Variants in PRR16 observed in about 807,000 individuals in gnomAD.
The protein encoded by PRR16 is protein Largen.
PRR16 carries 6 observed loss-of-function variants against 18.2 expected under a neutral mutation model. The observed-to-expected ratio is 0.33, with a 90% CI of 0.18 to 0.65. PRR16 has a LOEUF of 0.65. PRR16 is among the 30% of genes least tolerant of loss of function. The pLI is 0.74. For missense variants in PRR16, 412 were observed against 376.6 expected (o/e 1.09, Z -0.78); for synonymous variants, 151 against 147.8 (o/e 1.02, Z -0.16).
At chr5:120,699,248 G>C in the PRR16 span, among the ~76,000 whole-genome samples, 4 of 152,278 alleles carry the variant, frequency 2.6e-5, no homozygotes, top group East Asian at 7.7e-4. Flanking sequence ...GAAAGGAAAT[G>C]AGAGGTTCTA....
At chr5:120,562,008 G>T (rs1752590612) in intron 1 of PRR16, among the ~76,000 whole-genome samples, 2 of 152,096 alleles carry the variant, frequency 1.3e-5, no homozygotes, top group African/African-American at 4.8e-5. Flanking sequence ...TCTCTAGAGT[G>T]CAGATTAAGT....
intron 1 of PRR16, among the ~76,000 whole-genome samples, chr5:120,538,098 T>A (rs537255994): frequency 3.9e-5 from 6 of 152,326 alleles, no homozygotes; most frequent in African/African-American, 7.2e-5. Flanking sequence ...ATAAGCATAA[T>A]ATTAGAAGAT....
At chr5:120,770,946 TCTCTCA>T in the PRR16 span, among the ~76,000 whole-genome samples, 28 of 150,258 alleles carry the variant, frequency 1.9e-4, no homozygotes, top group South Asian at 6.4e-4. Context: ...TCTCTCTCTC[TCTCTCA>T]CACACACACA....
At chr5:120,786,535 ATTATTT>A in the PRR16 span, among the ~76,000 whole-genome samples, 2 of 80,370 alleles carry the variant, frequency 2.5e-5, no homozygotes, top group Admixed American at 2.5e-4. Flanking sequence ...TATTATATAT[ATTATTT>A]TAAATTAAGT....
the PRR16 span, among the ~76,000 whole-genome samples, chr5:120,779,990 AAATG>A: frequency 6.6e-6 from 1 of 152,180 alleles, no homozygotes; most frequent in Non-Finnish European, 1.5e-5. Flanking sequence ...AAGGGGAAAT[AAATG>A]AACATTGCAT....
chr5:120,729,837 A>C, the PRR16 span, among the ~76,000 whole-genome samples: 1 of 152,052 alleles, frequency 6.6e-6, no homozygotes, highest in African/African-American at 2.4e-5. Flanking sequence ...GAAGGTTAAG[A>C]TGGGGAAAAG....
In PRR16 at chr5:120,686,408, T is replaced by A; in HGVS notation, c.614T>A (p.Val205Asp). 1 of 1,613,584 alleles carries A rather than the reference T, an allele frequency of 6.2e-7. No homozygotes were observed. The highest frequency in any genetic ancestry group is 2.2e-5 in the East Asian group (1 of 44,840). Residue 205 changes from valine to aspartate, a missense_variant, in exon 2 of 2, where the codon GTT becomes GAT. Transcript: ENST00000407149. ...RCPQAGPRER[V>D]RFNEKVQYHG... The stretch of plus-strand genomic sequence containing the variant: ...CCCCAGGCAGGGCCTCGAGAACGAG[T>A]TCGGTTTAATGAAAAAGTACAGTAC...
the PRR16 span, among the ~76,000 whole-genome samples, chr5:120,741,720 G>C: frequency 2.0e-5 from 3 of 152,026 alleles, no homozygotes; most frequent in East Asian, 3.9e-4. Flanking sequence ...CCCTGTCTCA[G>C]CCTCCGAGTA....
At chr5:120,558,735 G>A (rs1388387041) in intron 1 of PRR16, among the ~76,000 whole-genome samples, 1 of 151,744 alleles carries the variant, frequency 6.6e-6, no homozygotes, top group Non-Finnish European at 1.5e-5. Flanking sequence ...TGTTCTCCAT[G>A]GTGGTCATAC....
chr5:120,724,757 C>T, the PRR16 span, among the ~76,000 whole-genome samples: 3 of 151,936 alleles, frequency 2.0e-5, no homozygotes, highest in Admixed American at 6.6e-5. Flanking sequence ...CCTAGCACAA[C>T]GTCTCAGGGC....
At chr5:120,651,496 A>G (rs1300388134) in intron 1 of PRR16, among the ~76,000 whole-genome samples, 5 of 152,112 alleles carry the variant, frequency 3.3e-5, no homozygotes, top group Non-Finnish European at 5.9e-5. Flanking sequence ...ATCTTGAATT[A>G]ATTTTCATAT....
downstream of PRR16, among the ~76,000 whole-genome samples, chr5:120,690,247 A>G (rs1168196440): frequency 6.6e-6 from 1 of 152,184 alleles, no homozygotes; most frequent in African/African-American, 2.4e-5. Flanking sequence ...GAGTCTAACT[A>G]TAGCTCTTTT....
At chr5:120,481,467 G>C (rs553118427) in intron 1 of PRR16, among the ~76,000 whole-genome samples, 7 of 152,170 alleles carry the variant, frequency 4.6e-5, no homozygotes, top group Non-Finnish European at 1.0e-4. Flanking sequence ...TTGTTTCCAT[G>C]ATTAGTATAG....
chr5:120,544,248 A>G (rs1752004965), intron 1 of PRR16, among the ~76,000 whole-genome samples: 1 of 152,282 alleles, frequency 6.6e-6, no homozygotes, highest in Non-Finnish European at 1.5e-5. Flanking sequence ...GGAATGCCAG[A>G]TCTTCTGACC....
At chr5:120,609,639 C>A (rs1754271495) in intron 1 of PRR16, among the ~76,000 whole-genome samples, 1 of 152,102 alleles carries the variant, frequency 6.6e-6, no homozygotes, top group Non-Finnish European at 1.5e-5. Context: ...GAAACACTTA[C>A]ACATTTTTAA....
intron 1 of PRR16, among the ~76,000 whole-genome samples, chr5:120,580,838 A>G: frequency 6.6e-6 from 1 of 152,286 alleles, no homozygotes; most frequent in East Asian, 1.9e-4. Context: ...ATTGATTTGC[A>G]TATGTTGAAC....
At chr5:120,688,247 T>A (rs372423868), downstream of PRR16, among the ~76,000 whole-genome samples, 4 of 152,318 alleles carry the variant, frequency 2.6e-5, no homozygotes, top group East Asian at 7.7e-4. Context: ...AAAATAGGCC[T>A]TATTTTTTGA....
the PRR16 span, among the ~76,000 whole-genome samples, chr5:120,696,565 A>G: frequency 6.6e-6 from 1 of 152,226 alleles, no homozygotes; most frequent in Non-Finnish European, 1.5e-5. Flanking sequence ...TTGTGAAACC[A>G]CATGCACAGA....
chr5:120,785,077 C>G, the PRR16 span, among the ~76,000 whole-genome samples: 25 of 152,316 alleles, frequency 1.6e-4, no homozygotes, highest in East Asian at 4.8e-3. Flanking sequence ...GTAGGCTCAA[C>G]TGAACAATCT....
Sources: gnomAD v4.1 joint callset for allele counts (sites outside exome capture counted in the v4.1 genomes callset) on GRCh38, gnomAD v4.1.1 for gene constraint, MANE v1.5 for transcripts, NCBI Gene and HGNC (gene_info 2026-07-23, HGNC 2026-07-21) for gene names.